Variants in MYO5A observed in about 807,000 individuals in gnomAD.
The protein encoded by MYO5A is unconventional myosin-Va.
In MYO5A, 98 loss-of-function variants were observed where a neutral mutation model predicts 249.7. That is an observed-to-expected ratio of 0.39 (90% CI 0.33 to 0.46). The LOEUF is 0.46. Ranked by LOEUF, MYO5A falls within the 20% of genes least tolerant of loss-of-function variation. The pLI, the probability that MYO5A is intolerant of heterozygous loss-of-function variation, is 0.98. For missense variants in MYO5A, 1,696 were observed against 2,308.8 expected (o/e 0.73, Z 5.44); for synonymous variants, 778 against 810.6 (o/e 0.96, Z 0.68).
intron 1 of MYO5A, among the ~76,000 whole-genome samples, chr15:52,487,556 T>A (rs1047030449): frequency 6.6e-6 from 1 of 151,958 alleles, no homozygotes; most frequent in Non-Finnish European, 1.5e-5. Flanking sequence ...AAACCCCGTC[T>A]CTGCTAAAAA....
chr15:52,446,089 G>A (rs2075884088), intron 1 of MYO5A, among the ~76,000 whole-genome samples: 1 of 152,254 alleles, frequency 6.6e-6, no homozygotes, highest in Non-Finnish European at 1.5e-5. Context: ...AGAGACAAGT[G>A]CTAACAGCCA....
chr15:52,360,400 G>C (rs982434001), intron 24 of MYO5A, among the ~76,000 whole-genome samples: 1 of 152,224 alleles, frequency 6.6e-6, no homozygotes, highest in Non-Finnish European at 1.5e-5. Flanking sequence ...AGTGCTCAGT[G>C]AAGCACTGGG....
At chr15:52,404,742 C>T (rs1046488126) in intron 9 of MYO5A, among the ~76,000 whole-genome samples, 4 of 152,102 alleles carry the variant, frequency 2.6e-5, no homozygotes, top group African/African-American at 9.7e-5. Context: ...CAGGGAGAAT[C>T]TGAGCAAAGC....
Position 52,425,838 on chromosome 15 carries a change from T to A in MYO5A, c.447A>T (p.Gln149His). The A allele has an allele frequency of 6.2e-7, 1 of 1,614,058 alleles. No homozygotes were observed. The highest frequency in any genetic ancestry group is 8.5e-7 in the Non-Finnish European group (1 of 1,179,976). The change falls in exon 4 of 42, where the codon CAA becomes CAT. Residue 149 changes from glutamine (Q) to histidine (H), a missense_variant. Gln to His is a conservative substitution (Grantham distance 24). Around this residue, in one of 5 missense-constraint regions of MYO5A, gnomAD observed 197 missense variants for 320.3 expected, o/e 0.62. Transcript: ENST00000399233. Reference sequence around the variant, plus strand: ...TGAAAGCTTCTACCAACCTGGCCATTTGCTTGTAAGCTTCTTCAGCTACTG... The same window carrying A: ...TGAAAGCTTCTACCAACCTGGCCATATGCTTGTAAGCTTCTTCAGCTACTG... ...IFAVAEEAYK[Q>H]MARDERNQSI...
intron 5 of MYO5A, among the ~76,000 whole-genome samples, chr15:52,412,388 T>G (rs2043289312): frequency 1.3e-5 from 2 of 152,176 alleles, no homozygotes; most frequent in African/African-American, 4.8e-5. Context: ...TGTTTTCAAA[T>G]AAAATGTATT....
chr15:52,421,361 A>G (rs962665458), intron 4 of MYO5A, among the ~76,000 whole-genome samples: 2 of 152,244 alleles, frequency 1.3e-5, no homozygotes, highest in Non-Finnish European at 2.9e-5. Flanking sequence ...GTCAATGAAA[A>G]GAGAAATGTA....
At chr15:52,474,784 A>C (rs1292153255) in intron 1 of MYO5A, among the ~76,000 whole-genome samples, 1 of 152,172 alleles carries the variant, frequency 6.6e-6, no homozygotes, top group Non-Finnish European at 1.5e-5. Flanking sequence ...TGCTGGATTC[A>C]GTTTGCCAGT....
In MYO5A at chr15:52,433,159, G is replaced by A; in HGVS notation, c.138+16C>T. 1 of 1,535,202 alleles carries A rather than the reference G, an allele frequency of 6.5e-7. No homozygotes were observed. The highest frequency in any genetic ancestry group is 9.0e-7 in the Non-Finnish European group (1 of 1,108,476). ...TCACTTTATGCCAATGACAACAAATGAAAGTGAGATCTCACCTTTCCTTCC... is the reference window on the plus strand; with the variant it reads ...TCACTTTATGCCAATGACAACAAATAAAAGTGAGATCTCACCTTTCCTTCC... On this transcript the variant is annotated intron_variant, in intron 2 of 41. Coordinates refer to ENST00000399233, the MANE Select transcript of MYO5A (RefSeq NM_001382347.1).
intron 1 of MYO5A, among the ~76,000 whole-genome samples, chr15:52,475,871 T>C (rs142082589): frequency 0.024 from 3,711 of 152,300 alleles, 140 homozygotes; most frequent in African/African-American, 0.085. Flanking sequence ...TCTGTTGATT[T>C]GGGGTGGAGA....
intron 1 of MYO5A, among the ~76,000 whole-genome samples, chr15:52,511,990 C>T (rs1252451267): frequency 1.3e-5 from 2 of 151,882 alleles, no homozygotes; most frequent in South Asian, 2.1e-4. Context: ...GGTGAAACCC[C>T]GCCTCTACTA....
chr15:52,457,875 G>A (rs1044396837), intron 1 of MYO5A, among the ~76,000 whole-genome samples: 6 of 152,170 alleles, frequency 3.9e-5, no homozygotes, highest in African/African-American at 1.4e-4. Flanking sequence ...TCCACCGACA[G>A]ATCAACTGAT....
At chr15:52,336,180 C>T (rs987152431) in intron 34 of MYO5A, among the ~76,000 whole-genome samples, 17 of 152,152 alleles carry the variant, frequency 1.1e-4, no homozygotes, top group African/African-American at 3.9e-4. Flanking sequence ...ATTCTTAACT[C>T]CTATGCTATA....
intron 3 of MYO5A, 53 bp downstream of exon 3, chr15:52,428,345 T>A: frequency 6.5e-7 from 1 of 1,537,404 alleles, no homozygotes; most frequent in Non-Finnish European, 9.0e-7. Flanking sequence ...TCTATGGCTA[T>A]GTCCATTAGA....
intron 1 of MYO5A, among the ~76,000 whole-genome samples, chr15:52,457,844 G>A (rs190940616): frequency 5.6e-4 from 85 of 152,222 alleles, no homozygotes; most frequent in South Asian, 1.9e-3. Flanking sequence ...CAATAGCTAC[G>A]ATATGGAATC....
rs538393006 is a variant in MYO5A, at chr15:52,308,150, T to C, written c.*5546A>G. ...CTTTCAAATATTTCAAGCATTACAA[T>C]ACTGAGGAAACGTTAGTCATATGAA... On this transcript the variant is annotated 3_prime_UTR_variant, in exon 42 of 42. Transcript: ENST00000399233. 6.6e-6 allele frequency: 1 copy of C among 152,342 alleles called. No homozygotes were observed. Among genetic ancestry groups the C allele is most frequent in the South Asian group, 2.1e-4 (1 of 4,832 alleles). The allele number at this position is 152,342 out of a possible 1,614,324, so 9.4% of individuals were successfully genotyped here. A position where few individuals can be genotyped will look rare whatever the true frequency, so the allele number is the denominator to read the frequency against.
intron 14 of MYO5A, among the ~76,000 whole-genome samples, chr15:52,386,215 G>T (rs2041966596): frequency 6.6e-6 from 1 of 151,864 alleles, no homozygotes; most frequent in South Asian, 2.1e-4. Flanking sequence ...AGGCTGATGT[G>T]GAAGGATCAC....
chr15:52,360,975 T>C (rs2040492316), intron 24 of MYO5A, among the ~76,000 whole-genome samples: 1 of 152,204 alleles, frequency 6.6e-6, no homozygotes, highest in Admixed American at 6.5e-5. Flanking sequence ...TCTTTGTACC[T>C]TTCCCCAGCT....
intron 1 of MYO5A, among the ~76,000 whole-genome samples, chr15:52,454,138 CAT>C (rs1453039760): frequency 6.6e-6 from 1 of 151,912 alleles, no homozygotes; most frequent in Non-Finnish European, 1.5e-5. Flanking sequence ...CCTATAAAGA[CAT>C]ACGTAGACTG....
At chr15:52,395,867 T>G (rs1198634599) in intron 11 of MYO5A, among the ~76,000 whole-genome samples, 2 of 152,238 alleles carry the variant, frequency 1.3e-5, no homozygotes, top group Admixed American at 6.5e-5. Flanking sequence ...AATATTCACA[T>G]TGCCATTGTC....
Sources: allele counts gnomAD v4.1 joint callset (sites outside exome capture counted in the v4.1 genomes callset), GRCh38; gene constraint gnomAD v4.1.1; regional missense constraint gnomAD v4.1.1; transcripts MANE v1.5; gene names NCBI Gene and HGNC (gene_info 2026-07-23, HGNC 2026-07-21).